Variants in TRIM2 observed in about 807,000 individuals in gnomAD.
TRIM2 encodes the protein tripartite motif containing 2.
In TRIM2, 20 loss-of-function variants were observed where a neutral mutation model predicts 75.2. The observed-to-expected ratio is 0.27, with a 90% CI of 0.19 to 0.39. The LOEUF (loss-of-function observed/expected upper bound fraction) is 0.39. TRIM2 is among the 10% of genes least tolerant of loss of function. The pLI, the probability that TRIM2 is intolerant of heterozygous loss-of-function variation, is 1.00. For missense variants in TRIM2, 660 were observed against 990.8 expected, an observed-to-expected ratio of 0.67 and a Z score of 4.48; for synonymous variants, 373 against 388.3, an observed-to-expected ratio of 0.96 and a Z score of 0.46.
chr4:153,158,064 C>T (rs947066353), intron 1 of TRIM2, among the ~76,000 whole-genome samples: 7 of 152,182 alleles, frequency 4.6e-5, no homozygotes, highest in East Asian at 3.8e-4. Flanking sequence ...GTAGTTTACC[C>T]GGTTGCCTCT....
At position 153,237,454 on chromosome 4, in the gene TRIM2, G is replaced by A. The variant is rs560653054; in HGVS notation, c.31-32881G>A. ...CCAGCACTTTGGGAGGCTGAGGTGG[G>A]CGGATCACGAGGTCAGGAGTTTGAG... On this transcript the variant is annotated intron_variant, in intron 1 of 11. Transcript: ENST00000338700. Among the ~76,000 whole-genome samples the A allele has an allele frequency of 2.6e-5, 4 of 152,286 alleles. No individual in the cohort carries two copies. The South Asian group carries it at 6.2e-4, about 24-fold the overall frequency.
chr4:153,236,583 G>A lies in TRIM2; in HGVS notation c.30+32023G>A, dbSNP rs533921454. 2.8e-4 allele frequency among the ~76,000 whole-genome samples: 43 copies of A among 152,246 alleles called. 1 individual carries two copies. In the South Asian group the frequency reaches 8.7e-3, roughly 31 times the overall value. Reference sequence around the variant, plus strand: ...CACTATGGACTTTTCTTGTGGAGAAGATTGTCCTTTATACAGCAGTTTCTT... The same window carrying A: ...CACTATGGACTTTTCTTGTGGAGAAAATTGTCCTTTATACAGCAGTTTCTT... On this transcript the variant is annotated intron_variant, in intron 1 of 11. Coordinates refer to ENST00000338700, the MANE Select transcript of TRIM2 (RefSeq NM_015271.5).
intron 1 of TRIM2, chr4:153,223,100 G>T (rs558989112): frequency 2.0e-5 from 3 of 152,386 alleles, no homozygotes; most frequent in Non-Finnish European, 2.9e-5. Context: ...TCCGGTGGCC[G>T]GAGCGTGCGG....
chr4:153,251,849 T>TACAC (rs907047337), intron 1 of TRIM2, among the ~76,000 whole-genome samples: 3 of 151,988 alleles, frequency 2.0e-5, no homozygotes, highest in African/African-American at 7.3e-5. Flanking sequence ...AGCATGGTGG[T>TACAC]ACACGCCTGT....
chr4:153,223,295 G>A (rs1207193295), intron 1 of TRIM2, among the ~76,000 whole-genome samples: 2 of 152,202 alleles, frequency 1.3e-5, no homozygotes, highest in Non-Finnish European at 2.9e-5. Flanking sequence ...GACCTCTGCC[G>A]TCCTCAGTCA....
At chr4:153,216,327 T>G (rs1473601853) in intron 1 of TRIM2, among the ~76,000 whole-genome samples, 2 of 152,192 alleles carry the variant, frequency 1.3e-5, no homozygotes, top group Non-Finnish European at 2.9e-5. Context: ...AGTAGCAATT[T>G]TCTTGTCAAT....
chr4:153,205,211 C>G (rs1735061998), intron 1 of TRIM2, among the ~76,000 whole-genome samples: 1 of 152,104 alleles, frequency 6.6e-6, no homozygotes, highest in Non-Finnish European at 1.5e-5. Flanking sequence ...GTCAGCAGAG[C>G]CTGGGGACGC....
At chr4:153,214,137 T>A (rs1288617719) in intron 1 of TRIM2, among the ~76,000 whole-genome samples, 1 of 152,224 alleles carries the variant, frequency 6.6e-6, no homozygotes, top group Non-Finnish European at 1.5e-5. Flanking sequence ...GAGCATAAGA[T>A]ATAAACATTT....
intron 1 of TRIM2, among the ~76,000 whole-genome samples, chr4:153,211,393 C>T (rs2149711345): frequency 6.6e-6 from 1 of 152,262 alleles, no homozygotes; most frequent in South Asian, 2.1e-4. Context: ...CTACATCCAA[C>T]CTTTAGGAGC....
Position 153,335,155 on chromosome 4 carries a change from G to A in TRIM2, c.*189G>A, listed in dbSNP as rs1772307556. On this transcript the variant is annotated 3_prime_UTR_variant, in exon 12 of 12. Coordinates refer to ENST00000338700, the MANE Select transcript of TRIM2 (RefSeq NM_015271.5). Reference sequence around the variant, plus strand: ...TCCAATTTCTGTATTTCACCTTTAGGGTTAAAAAAAACTCTTCTACTGAAT... The same window carrying A: ...TCCAATTTCTGTATTTCACCTTTAGAGTTAAAAAAAACTCTTCTACTGAAT... 6 of 1,263,582 alleles carry A rather than the reference G, an allele frequency of 4.7e-6. No homozygotes were observed. The highest frequency in any genetic ancestry group is 3.0e-5 in the East Asian group (1 of 33,496). The allele number at this position is 1,263,582 out of a possible 1,614,324, so 78.3% of individuals were successfully genotyped here.
At chr4:153,331,462 A>G (rs1771470487) in intron 11 of TRIM2, among the ~76,000 whole-genome samples, 1 of 152,232 alleles carries the variant, frequency 6.6e-6, no homozygotes, top group Non-Finnish European at 1.5e-5. Context: ...CAATATTTGT[A>G]TGCTGAAAAC....
chr4:153,274,613 A>G (rs1757614814), intron 2 of TRIM2, among the ~76,000 whole-genome samples: 2 of 152,232 alleles, frequency 1.3e-5, no homozygotes, highest in Non-Finnish European at 2.9e-5. Flanking sequence ...TGATATGAAT[A>G]TAATATTCCA....
At chr4:153,169,859 A>C (rs1730671080) in intron 1 of TRIM2, among the ~76,000 whole-genome samples, 1 of 152,232 alleles carries the variant, frequency 6.6e-6, no homozygotes, top group African/African-American at 2.4e-5. Flanking sequence ...GGATACGTGA[A>C]CCATGTTCAT....
chr4:153,177,718 C>CTTCCTTCCTTCT (rs1470588060), intron 1 of TRIM2, among the ~76,000 whole-genome samples: 1 of 143,936 alleles, frequency 6.9e-6, no homozygotes, highest in African/African-American at 2.8e-5. Flanking sequence ...TCCTTCCTTC[C>CTTCCTTCCTTCT]TTCCTTCCTT....
At chr4:153,277,225 TG>T (rs1382340134) in intron 3 of TRIM2, among the ~76,000 whole-genome samples, 3 of 152,258 alleles carry the variant, frequency 2.0e-5, no homozygotes, top group Non-Finnish European at 4.4e-5. Context: ...TCCTTCTGCC[TG>T]GGTTGCTCTT....
chr4:153,312,061 C>T (rs1766480007), intron 6 of TRIM2, among the ~76,000 whole-genome samples: 2 of 132,426 alleles, frequency 1.5e-5, no homozygotes, highest in South Asian at 5.8e-4. Context: ...CTATCCCTAC[C>T]CCCTCCCCCC....
intron 1 of TRIM2, among the ~76,000 whole-genome samples, chr4:153,263,435 A>G (rs1172939096): frequency 6.6e-6 from 1 of 152,244 alleles, no homozygotes; most frequent in Non-Finnish European, 1.5e-5. Flanking sequence ...CATGGAATTC[A>G]GCAAGTGCTG....
At chr4:153,329,486 C>T (rs1770962045) in intron 11 of TRIM2, among the ~76,000 whole-genome samples, 1 of 151,278 alleles carries the variant, frequency 6.6e-6, no homozygotes, top group Non-Finnish European at 1.5e-5. Flanking sequence ...TCTAAGCTGC[C>T]ATCTCAAGAA....
At chr4:153,217,580 G>A (rs145564493) in intron 1 of TRIM2, among the ~76,000 whole-genome samples, 1 of 152,182 alleles carries the variant, frequency 6.6e-6, no homozygotes, top group African/African-American at 2.4e-5. Context: ...ACTCAGTGAT[G>A]CTTGACAATC....
Sources: allele counts gnomAD v4.1 joint callset (sites outside exome capture counted in the v4.1 genomes callset), GRCh38; gene constraint gnomAD v4.1.1; transcripts MANE v1.5; gene names NCBI Gene and HGNC (gene_info 2026-07-23, HGNC 2026-07-21).